The following TTBK1 variants were observed in gnomAD, a reference collection of about 807,000 sequenced individuals.
TTBK1 encodes the protein tau tubulin kinase 1.
A neutral mutation model predicts 108.5 loss-of-function variants in TTBK1; 34 were observed. The ratio of observed to expected loss-of-function variants is 0.31; its 90% CI spans 0.24 to 0.42. The LOEUF is 0.42. Among genes scored for constraint, TTBK1 ranks in the 10% least tolerant of loss-of-function variants. The pLI is 1.00. For synonymous variants in TTBK1, 809 were observed against 795.1 expected (o/e 1.02, Z -0.29); for missense variants, 1,539 against 1,826.0 (o/e 0.84, Z 2.86).
rs1436356882 is a variant in TTBK1, at chr6:43,253,619, C to A, written c.382C>A (p.Leu128Met). 5 of 1,613,674 alleles carry A rather than the reference C, an allele frequency of 3.1e-6. No homozygotes were observed. In the South Asian group the frequency reaches 3.3e-5, roughly 11 times the overall value. ...RRSQPRGTFT[L>M]STTLRLGKQI... The stretch of plus-strand genomic sequence containing the variant: ...TAGCCAGCCGCGAGGCACCTTCACG[C>A]TGAGCACCACATTGCGGCTGGGCAA... The change falls in exon 5 of 15, where the codon CTG (leucine) becomes ATG (methionine). Residue 128 changes from leucine (L) to methionine (M), a missense_variant. Leu to Met is a conservative substitution (Grantham distance 15). Coordinates refer to ENST00000259750, the MANE Select transcript of TTBK1 (RefSeq NM_032538.3). This position sits in a 1 kb window ranked among gnomAD's most constrained non-coding sequence, Gnocchi z 5.8.
Position 43,269,617 on chromosome 6 carries a change from C to T in TTBK1, c.1986+6267C>T. 6.3e-7 allele frequency: 1 copy of T among 1,596,998 alleles called. No individual in the cohort carries two copies. Among genetic ancestry groups the T allele is most frequent in the Non-Finnish European group, 8.5e-7 (1 of 1,169,818 alleles). On this transcript the variant is annotated intron_variant, in intron 13 of 14. Coordinates refer to ENST00000259750, the MANE Select transcript of TTBK1 (RefSeq NM_032538.3). The surrounding 1 kb of genome is among the most constrained non-coding windows in gnomAD (Gnocchi z 4.8). ...CGAGTCTGTGCCTGACACCTCTTTT[C>T]CCTCCACTTTCTTGGTCTCTTTCAG...
chr6:43,270,379 G>C (rs574625401), intron 13 of TTBK1: 1 of 1,004,818 alleles, frequency 1.0e-6, no homozygotes, highest in East Asian at 1.1e-4. Flanking sequence ...GATCCACCCC[G>C]AGGGGCTGGC....
At position 43,283,478 on chromosome 6, in the gene TTBK1, T is replaced by C. The variant is rs1203645199; in HGVS notation, c.2738T>C (p.Val913Ala). The C allele has an allele frequency of 1.2e-6, 2 of 1,613,684 alleles. No individual in the cohort carries two copies. The highest frequency in any genetic ancestry group is 1.7e-6 in the Non-Finnish European group (2 of 1,179,896). Reference sequence around the variant, plus strand: ...GGGGCCGGGACAGTGACCACAGGGGTCGGGGGCGTGGCAGTCACCTCCTCA... The same window carrying C: ...GGGGCCGGGACAGTGACCACAGGGGCCGGGGGCGTGGCAGTCACCTCCTCA... ...GLGAGTVTTGVGGVAVTSSPF... is the reference protein window; with the variant it reads ...GLGAGTVTTGAGGVAVTSSPF... The change falls in exon 14 of 15, where the codon GTC (valine) becomes GCC (alanine). Residue 913 changes from valine to alanine, a missense_variant. Val to Ala is a moderately conservative substitution (Grantham distance 64). Coordinates refer to ENST00000259750, the MANE Select transcript of TTBK1 (RefSeq NM_032538.3). The surrounding 1 kb of genome is among the most constrained non-coding windows in gnomAD (Gnocchi z 8.1).
intron 3 of TTBK1, 23 bp downstream of exon 3, chr6:43,252,909 T>G: frequency 6.2e-7 from 1 of 1,610,646 alleles, no homozygotes; most frequent in East Asian, 2.2e-5. Flanking sequence ...GGCAGGGGGA[T>G]GGGAAGGAAG....
chr6:43,285,240 C>G lies in TTBK1; in HGVS notation c.3830C>G (p.Pro1277Arg). The G allele has an allele frequency of 7.7e-7, 1 of 1,302,212 alleles. No homozygotes were observed. The highest frequency in any genetic ancestry group is 9.7e-7 in the Non-Finnish European group (1 of 1,029,736). The allele number at this position is 1,302,212 out of a possible 1,614,324, so 80.7% of individuals were successfully genotyped here. The change falls in exon 15 of 15, where the codon CCG becomes CGG. Residue 1277 changes from proline (P) to arginine (R), a missense_variant. This residue lies in a region of TTBK1 where 1,055 missense variants were observed against 1,086.5 expected (regional missense o/e 0.97). Transcript: ENST00000259750. The surrounding 1 kb of genome is among the most constrained non-coding windows in gnomAD (Gnocchi z 4.7). The part of the protein sequence containing the change: ...RPGVPPPRGV[P>R]PARAQPDGTP... ...GGGGTCCCCCCGCCCCGGGGCGTCC[C>G]GCCGGCCCGGGCCCAGCCTGATGGC...
chr6:43,252,957 C>A, intron 3 of TTBK1, 71 bp downstream of exon 3: 2 of 1,562,974 alleles, frequency 1.3e-6, no homozygotes, highest in Non-Finnish European at 8.7e-7. Flanking sequence ...GTGATAAGAT[C>A]AGAAGCTGGG....
Position 43,255,749 on chromosome 6 carries a change from AAGG to A in TTBK1, c.757_759del (p.Glu253del). On this transcript the variant is annotated inframe_deletion, in exon 9 of 15. Transcript: ENST00000259750. ...CCTCCAGGAACAGGTAGGGATGATCAAGGAGAAGTATGAGCACCGGATGCTGCT... is the reference window on the plus strand; with the variant it reads ...CCTCCAGGAACAGGTAGGGATGATCAAGAAGTATGAGCACCGGATGCTGCT... The A allele has an allele frequency of 6.2e-7, 1 of 1,614,122 alleles. No homozygotes were observed. The highest frequency in any genetic ancestry group is 8.5e-7 in the Non-Finnish European group (1 of 1,180,024).
In TTBK1 at chr6:43,283,373, A is replaced by T. The variant is rs1435671987; in HGVS notation, c.2633A>T (p.Gln878Leu). The change falls in exon 14 of 15, where the codon CAG becomes CTG. Residue 878 changes from glutamine (Q) to leucine (L), a missense_variant. Transcript: ENST00000259750. This position sits in a 1 kb window ranked among gnomAD's most constrained non-coding sequence, Gnocchi z 8.1. ...GAGCGGCCCCAGCCCACGGGCAGCC[A>T]GCTGGACGTATCTGAGCCAGGCACC... ...QHERPQPTGSQLDVSEPGTLS... is the reference protein window; with the variant it reads ...QHERPQPTGSLLDVSEPGTLS... The T allele has an allele frequency of 6.2e-7, 1 of 1,603,816 alleles. No homozygotes were observed. Among genetic ancestry groups the T allele is most frequent in the Non-Finnish European group, 8.5e-7 (1 of 1,175,256 alleles).
rs1778339866 is a variant in TTBK1, at chr6:43,285,241, G to A, written c.3831G>A (p.Pro1277=). The change falls in exon 15 of 15, where the codon CCG becomes CCA. Residue 1277 remains proline, a synonymous_variant. Transcript: ENST00000259750. This position sits in a 1 kb window ranked among gnomAD's most constrained non-coding sequence, Gnocchi z 4.7. ...GGGTCCCCCCGCCCCGGGGCGTCCC[G>A]CCGGCCCGGGCCCAGCCTGATGGCA... is the stretch of plus-strand genomic sequence containing the variant. ...RPGVPPPRGV[P]PARAQPDGTP... The A allele has an allele frequency of 2.3e-6, 3 of 1,298,808 alleles. No individual in the cohort carries two copies. The highest frequency in any genetic ancestry group is 8.4e-5 in the Admixed American group (2 of 23,814). 80.5% of individuals were successfully genotyped at this position (1,298,808 alleles called of 1,614,324 possible).
chr6:43,265,826 G>A lies in TTBK1; in HGVS notation c.1986+2476G>A, dbSNP rs1485934844. Among the ~76,000 whole-genome samples the A allele has an allele frequency of 6.6e-6, 1 of 152,172 alleles. No homozygotes were observed. The highest frequency in any genetic ancestry group is 1.5e-5 in the Non-Finnish European group (1 of 68,024). On this transcript the variant is annotated intron_variant, in intron 13 of 14. Transcript: ENST00000259750. The surrounding 1 kb of genome is among the most constrained non-coding windows in gnomAD (Gnocchi z 4.1). ...CTGGCTCTGCCGTTCCCTTCCCAGT[G>A]ACTGAGGGCCAGTCAGTGTCCCTTT...
rs1370564457 is a variant in TTBK1 at position 43,262,942 on chromosome 6, C to T, written c.1578C>T (p.Ala526=). ...TGGAGCAGGAGGCCCTGAGCAACGCCTTCCGCTCGGTGCCGCTGGCTGAGG... is the reference window on the plus strand; with the variant it reads ...TGGAGCAGGAGGCCCTGAGCAACGCTTTCCGCTCGGTGCCGCTGGCTGAGG... ...ASVEQEALSN[A]FRSVPLAEEE... is the part of the protein sequence containing the mutation. Residue 526 remains alanine, a synonymous_variant, in exon 13 of 15, where the codon GCC becomes GCT. Coordinates refer to ENST00000259750, the MANE Select transcript of TTBK1 (RefSeq NM_032538.3). The T allele has an allele frequency of 6.2e-7, 1 of 1,614,014 alleles. No homozygotes were observed. Among genetic ancestry groups the T allele is most frequent in the Admixed American group, 1.7e-5 (1 of 60,014 alleles).
chr6:43,279,736 A>G (rs554731677), intron 13 of TTBK1, among the ~76,000 whole-genome samples: 1 of 149,974 alleles, frequency 6.7e-6, no homozygotes, highest in African/African-American at 2.5e-5. Flanking sequence ...CTTCCAGCCT[A>G]TATGTGGAGG....
chr6:43,244,688 T>C (rs549473274), intron 1 of TTBK1, among the ~76,000 whole-genome samples: 2 of 152,214 alleles, frequency 1.3e-5, no homozygotes, highest in African/African-American at 4.8e-5. Flanking sequence ...CTTTTTGGTT[T>C]GCTCATCTAT....
rs11967529 is a variant in TTBK1, at chr6:43,257,625, T to C, written c.862-187T>C. On this transcript the variant is annotated intron_variant, in intron 9 of 14. Transcript: ENST00000259750. This position sits in a 1 kb window ranked among gnomAD's most constrained non-coding sequence, Gnocchi z 4.5. ...TAATCCAAGATGATAATTTGCATGT[T>C]GATTTGCATATCATGTGCATGTTTT... is the stretch of plus-strand genomic sequence containing the variant. Among the ~76,000 whole-genome samples the C allele has an allele frequency of 7.8e-3, 1,192 of 152,250 alleles. 18 individuals carry two copies. Among genetic ancestry groups the C allele is most frequent in the Non-Finnish European group, 0.013 (916 of 68,012 alleles).
intron 12 of TTBK1, among the ~76,000 whole-genome samples, chr6:43,260,756 C>T (rs1301860388): frequency 6.6e-6 from 1 of 152,124 alleles, no homozygotes; most frequent in African/African-American, 2.4e-5. Flanking sequence ...CAGTGAACCC[C>T]AGTTGCAGGG....
chr6:43,245,973 C>T (rs1777074428), intron 1 of TTBK1, among the ~76,000 whole-genome samples: 1 of 152,242 alleles, frequency 6.6e-6, no homozygotes, highest in Non-Finnish European at 1.5e-5. Context: ...ATCCTGACCT[C>T]CCAACCCCAT....
At position 43,255,090 on chromosome 6, in the gene TTBK1, C is replaced by T. The variant is rs1328149481; in HGVS notation, c.618C>T (p.Ala206=). 1.9e-6 allele frequency: 3 copies of T among 1,613,076 alleles called. No homozygotes were observed. The highest frequency in any genetic ancestry group is 1.7e-5 in the Admixed American group (1 of 59,896). ...VAGFRGTVRY[A]SVNAHKNREM... is the part of the protein sequence containing the mutation. ...GGTTTCGAGGAACGGTTCGCTATGC[C>T]TCAGTCAATGCCCACAAGAACCGGG... The change falls in exon 7 of 15, where the codon GCC becomes GCT. Residue 206 remains alanine (A), a synonymous_variant. Coordinates refer to ENST00000259750, the MANE Select transcript of TTBK1 (RefSeq NM_032538.3).
Position 43,283,517 on chromosome 6 carries a change from T to C in TTBK1, c.2777T>C (p.Val926Ala). Reference sequence around the variant, plus strand: ...GTCACCTCCTCACCCTTCACCAAAGTTGAGAGGACCTTTGTGCACATTGCG... The same window carrying C: ...GTCACCTCCTCACCCTTCACCAAAGCTGAGAGGACCTTTGTGCACATTGCG... ...VAVTSSPFTK[V>A]ERTFVHIAEK... Residue 926 changes from valine (V) to alanine (A), a missense_variant, in exon 14 of 15, where the codon GTT becomes GCT. Val to Ala is a moderately conservative substitution (Grantham distance 64). Coordinates refer to ENST00000259750, the MANE Select transcript of TTBK1 (RefSeq NM_032538.3). This position sits in a 1 kb window ranked among gnomAD's most constrained non-coding sequence, Gnocchi z 8.1. 6.2e-7 allele frequency: 1 copy of C among 1,613,982 alleles called. No homozygotes were observed. Among genetic ancestry groups the C allele is most frequent in the East Asian group, 2.2e-5 (1 of 44,864 alleles).
At chr6:43,244,494 T>A (rs1026842280) in intron 1 of TTBK1, among the ~76,000 whole-genome samples, 1 of 152,112 alleles carries the variant, frequency 6.6e-6, no homozygotes, top group African/African-American at 2.4e-5. Flanking sequence ...CATGCGCCCA[T>A]GTGCACATAG....
Sources: gnomAD v4.1 joint callset for allele counts (sites outside exome capture counted in the v4.1 genomes callset) on GRCh38, gnomAD v4.1.1 for gene constraint, gnomAD v4.1.1 regional missense constraint, Gnocchi (gnomAD v3.1) non-coding constraint, MANE v1.5 for transcripts, NCBI Gene and HGNC (gene_info 2026-07-23, HGNC 2026-07-21) for gene names.